NRL: variants seen among roughly 807,000 people sequenced by gnomAD.
NRL encodes the protein neural retina-specific leucine zipper protein.
A neutral mutation model predicts 12.5 loss-of-function variants in NRL; 16 were observed. That is an observed-to-expected ratio of 1.28 (90% CI 0.87 to 1.95). The LOEUF is 1.95. Ranked by LOEUF, NRL falls within the 30% of genes most tolerant of loss-of-function variation. NRL has a pLI of 0.00. For synonymous variants in NRL, 142 were observed against 150.9 expected (o/e 0.94, Z 0.43); for missense variants, 314 against 325.8 (o/e 0.96, Z 0.28).
At position 24,081,640 on chromosome 14, in the gene NRL, A is replaced by G; in HGVS notation, c.382-72T>C. 1 of 1,538,592 alleles carries G rather than the reference A, an allele frequency of 6.5e-7. No homozygotes were observed. The highest frequency in any genetic ancestry group is 8.8e-7 in the Non-Finnish European group (1 of 1,141,592). On this transcript the variant is annotated intron_variant, in intron 2 of 2. Coordinates refer to ENST00000561028, the MANE Select transcript of NRL (RefSeq NM_001354768.3). The surrounding 1 kb of genome is among the most constrained non-coding windows in gnomAD (Gnocchi z 4.4). Reference sequence around the variant, plus strand: ...GGCTCTGCCCTGAGGGCCCGACGCTACCTGGCTCCGCCCCGGGACAGCCCC... The same window carrying G: ...GGCTCTGCCCTGAGGGCCCGACGCTGCCTGGCTCCGCCCCGGGACAGCCCC...
At chr14:24,096,719 C>T (rs1217723793) in intron 1 of NRL, among the ~76,000 whole-genome samples, 4 of 152,194 alleles carry the variant, frequency 2.6e-5, no homozygotes, top group Admixed American at 2.6e-4. Flanking sequence ...ATAAAGGCTA[C>T]AAGATACATG....
chr14:24,098,512 T>C, intron 1 of NRL: 1 of 1,614,152 alleles, frequency 6.2e-7, no homozygotes, highest in South Asian at 1.1e-5. Flanking sequence ...GCATGGGTCC[T>C]GTGGGCTCCC....
intron 1 of NRL, among the ~76,000 whole-genome samples, chr14:24,086,449 TG>T (rs936923478): frequency 1.1e-4 from 17 of 152,210 alleles, no homozygotes; most frequent in Non-Finnish European, 2.1e-4. Context: ...CAAGCTTCTC[TG>T]TGTGACTGCC....
Position 24,079,999 on chromosome 14 carries a change from G to A in NRL, c.*1237C>T, listed in dbSNP as rs1330700117. 1 of 152,164 alleles carries A rather than the reference G, an allele frequency of 6.6e-6. No homozygotes were observed. The highest frequency in any genetic ancestry group is 1.5e-5 in the Non-Finnish European group (1 of 68,078). 9.4% of individuals were successfully genotyped at this position (152,164 alleles called of 1,614,324 possible). ...TTTCCATTGGCTCTCCATAACAGAT[G>A]TGCCACCCAGCTCCAGGTGGGGACT... On this transcript the variant is annotated 3_prime_UTR_variant, in exon 3 of 3. Transcript: ENST00000561028.
chr14:24,082,940 C>A, intron 1 of NRL, 65 bp from the exon 2 acceptor site: 1 of 1,478,240 alleles, frequency 6.8e-7, no homozygotes, highest in Admixed American at 2.1e-5. Flanking sequence ...TCACCAAGTC[C>A]CTCTTCCCTC....
chr14:24,099,770 C>G lies in NRL; in HGVS notation c.-28+14952G>C, dbSNP rs373553320. The G allele has an allele frequency of 3.2e-6, 5 of 1,551,542 alleles. No individual in the cohort carries two copies. In the South Asian group the frequency reaches 5.6e-5, roughly 17 times the overall value. On this transcript the variant is annotated intron_variant, in intron 1 of 2. Coordinates refer to ENST00000561028, the MANE Select transcript of NRL (RefSeq NM_001354768.3). ...TTGGTTCTGGCTCTTGTCAGAGCCT[C>G]GGGGTCTCCTCTCTAGTGTTCACAA...
In NRL at chr14:24,081,404, C is replaced by G; in HGVS notation, c.546G>C (p.Gln182His). 6.7e-7 allele frequency: 1 copy of G among 1,499,702 alleles called. No homozygotes were observed. Among genetic ancestry groups the G allele is most frequent in the Non-Finnish European group, 8.9e-7 (1 of 1,126,756 alleles). The allele number at this position is 1,499,702 out of a possible 1,614,324, so 92.9% of individuals were successfully genotyped here. A position where few individuals can be genotyped will look rare whatever the true frequency, so the allele number is the denominator to read the frequency against. The change falls in exon 3 of 3, where the codon CAG (glutamine) becomes CAC (histidine). Residue 182 changes from glutamine (Q) to histidine (H), a missense_variant. Physicochemically the swap from Gln to His is conservative, Grantham distance 24 (BLOSUM62 0). Coordinates refer to ENST00000561028, the MANE Select transcript of NRL (RefSeq NM_001354768.3). This position sits in a 1 kb window ranked among gnomAD's most constrained non-coding sequence, Gnocchi z 4.4. ...GCTCGGCCTCCAGCCCGCGCCGCTG[C>G]TGCAGCCGCTTGGAGCGACAGGCCT... Reference protein sequence around the residue: ...YAQACRSKRLQQRRGLEAERA... With the variant: ...YAQACRSKRLHQRRGLEAERA...
intron 1 of NRL, among the ~76,000 whole-genome samples, chr14:24,088,344 T>C (rs1566564635): frequency 6.6e-6 from 1 of 152,244 alleles, no homozygotes; most frequent in Non-Finnish European, 1.5e-5. Flanking sequence ...AAGGGGTAGC[T>C]GCTTGCAGGA....
At chr14:24,090,275 G>A (rs1171807876) in intron 1 of NRL, among the ~76,000 whole-genome samples, 2 of 127,004 alleles carry the variant, frequency 1.6e-5, no homozygotes, top group East Asian at 5.6e-4. Context: ...CGGGGGGGGG[G>A]GGGGGGCACG....
intron 1 of NRL, chr14:24,098,383 G>T: frequency 6.2e-7 from 1 of 1,612,466 alleles, no homozygotes; most frequent in Middle Eastern, 1.7e-4. Context: ...CAGGCTGCAT[G>T]CAGGGTAACC....
rs1293751062 is a variant in NRL at position 24,081,576 on chromosome 14, G to A, written c.382-8C>T. 6.3e-7 allele frequency: 1 copy of A among 1,588,638 alleles called. No individual in the cohort carries two copies. The highest frequency in any genetic ancestry group is 1.1e-5 in the South Asian group (1 of 87,320). On this transcript the variant is annotated splice_polypyrimidine_tract_variant and splice_region_variant and intron_variant, in intron 2 of 2. Coordinates refer to ENST00000561028, the MANE Select transcript of NRL (RefSeq NM_001354768.3). The surrounding 1 kb of genome is among the most constrained non-coding windows in gnomAD (Gnocchi z 4.4). The stretch of plus-strand genomic sequence containing the variant: ...GGAAAACCGCTCTGCCAGCTGCGGA[G>A]GGAGAATGCAGAAACCGGGTCAGCG...
intron 1 of NRL, among the ~76,000 whole-genome samples, chr14:24,108,315 C>T (rs1345375697): frequency 6.6e-6 from 1 of 152,210 alleles, no homozygotes; most frequent in East Asian, 1.9e-4. Context: ...TGAACTCATA[C>T]TGACATGTTC....
Position 24,114,709 on chromosome 14 carries a change from T to A in NRL, c.-28+13A>T. On this transcript the variant is annotated intron_variant, in intron 1 of 2. Coordinates refer to ENST00000561028, the MANE Select transcript of NRL (RefSeq NM_001354768.3). Reference sequence around the variant, plus strand: ...CTCCTCCCCTCAGGCACCTCGCGCATTCTCCCGCCTACCTATCAATCATCG... The same window carrying A: ...CTCCTCCCCTCAGGCACCTCGCGCAATCTCCCGCCTACCTATCAATCATCG... 1 of 985,982 alleles carries A rather than the reference T, an allele frequency of 1.0e-6. No individual in the cohort carries two copies. Among genetic ancestry groups the A allele is most frequent in the Non-Finnish European group, 1.2e-6 (1 of 829,996 alleles). The allele number at this position is 985,982 out of a possible 1,614,324, so 61.1% of individuals were successfully genotyped here.
chr14:24,095,128 GGCCTCTCTTCTCAGCTTTTGTCCC>G (rs1199169798), intron 1 of NRL: 2 of 455,998 alleles, frequency 4.4e-6, no homozygotes, highest in Non-Finnish European at 8.8e-6. Context: ...TATTCTCTGA[GGCCTCTCTTCTCAGCTTTTGTCCC>G]AGAGTCGGAA....
chr14:24,083,516 A>G (rs1419474617), intron 1 of NRL, among the ~76,000 whole-genome samples: 1 of 152,212 alleles, frequency 6.6e-6, no homozygotes, highest in African/African-American at 2.4e-5. Context: ...ATCAGAATCA[A>G]CTGGCCACCA....
chr14:24,081,791 C>T lies in NRL; in HGVS notation c.382-223G>A, dbSNP rs1238739874. 3.3e-6 allele frequency: 5 copies of T among 1,514,404 alleles called. No homozygotes were observed. The highest frequency in any genetic ancestry group is 4.4e-6 in the Non-Finnish European group (5 of 1,135,676). 93.8% of individuals were successfully genotyped at this position (1,514,404 alleles called of 1,614,324 possible). A position where few individuals can be genotyped will look rare whatever the true frequency, so the allele number is the denominator to read the frequency against. On this transcript the variant is annotated intron_variant, in intron 2 of 2. Coordinates refer to ENST00000561028, the MANE Select transcript of NRL (RefSeq NM_001354768.3). This position sits in a 1 kb window ranked among gnomAD's most constrained non-coding sequence, Gnocchi z 4.4. Reference sequence around the variant, plus strand: ...ACCGTTGCTCCAGTCAGGCGGGCGCCCCACGGTGCAGGGCCGGCCACGGTC... The same window carrying T: ...ACCGTTGCTCCAGTCAGGCGGGCGCTCCACGGTGCAGGGCCGGCCACGGTC...
At position 24,080,930 on chromosome 14, in the gene NRL, T is replaced by G; in HGVS notation, c.*306A>C. The stretch of plus-strand genomic sequence containing the variant: ...AGCTGCAACCCTCCTCCACCTCCCA[T>G]TCACTGTGTCACCACACTTCCACCC... On this transcript the variant is annotated 3_prime_UTR_variant, in exon 3 of 3. Coordinates refer to ENST00000561028, the MANE Select transcript of NRL (RefSeq NM_001354768.3). 2 of 304,482 alleles carry G rather than the reference T, an allele frequency of 6.6e-6. No individual in the cohort carries two copies. The highest frequency in any genetic ancestry group is 6.0e-6 in the Non-Finnish European group (1 of 165,858). 18.9% of individuals were successfully genotyped at this position (304,482 alleles called of 1,614,324 possible). A position where few individuals can be genotyped will look rare whatever the true frequency, so the allele number is the denominator to read the frequency against.
rs1422622708 is a variant in NRL, at chr14:24,109,271, ATTATTT to A, written c.-28+5445_-28+5450del. Reference sequence around the variant, plus strand: ...AGTCTATCAAAATGACTTCACCATAATTATTTTTAAAGATATGCCATTTTATTTATT... The same window carrying A: ...AGTCTATCAAAATGACTTCACCATAATTAAAGATATGCCATTTTATTTATT... On this transcript the variant is annotated intron_variant, in intron 1 of 2. Coordinates refer to ENST00000561028, the MANE Select transcript of NRL (RefSeq NM_001354768.3). Among the ~76,000 whole-genome samples, 5 of 152,334 alleles carry A rather than the reference ATTATTT, an allele frequency of 3.3e-5. No homozygotes were observed. In the East Asian group the frequency reaches 9.6e-4, roughly 29 times the overall value.
chr14:24,082,165 T>A, intron 2 of NRL: 1 of 741,790 alleles, frequency 1.3e-6, no homozygotes. Flanking sequence ...ACACACCATG[T>A]ATCTGTTTAC....
Sources: gnomAD v4.1 joint callset for allele counts (sites outside exome capture counted in the v4.1 genomes callset) on GRCh38, gnomAD v4.1.1 for gene constraint, Gnocchi (gnomAD v3.1) non-coding constraint, MANE v1.5 for transcripts, NCBI Gene and HGNC (gene_info 2026-07-23, HGNC 2026-07-21) for gene names.